Variants in NAALADL2 observed in about 807,000 individuals in gnomAD.
NAALADL2 encodes the protein inactive N-acetylated-alpha-linked acidic dipeptidase-like protein 2.
NAALADL2 carries 76 observed loss-of-function variants against 87.2 expected under a neutral mutation model. The observed-to-expected ratio is 0.87, with a 90% CI of 0.72 to 1.05. The LOEUF (loss-of-function observed/expected upper bound fraction) is 1.05, where lower values mean the gene tolerates loss of function less well. Among genes scored for constraint, NAALADL2 ranks in the 50% least tolerant of loss-of-function variants. The probability of loss-of-function intolerance (pLI) is 0.00; values close to 1 mark genes in which losing one functional copy is unlikely to be tolerated. For missense variants in NAALADL2, 1,089 were observed against 945.8 expected, an observed-to-expected ratio of 1.15 and a Z score of -1.99; for synonymous variants, 354 against 331.0, an observed-to-expected ratio of 1.07 and a Z score of -0.75.
chr3:174,458,292 T>C (rs1235467452), intron 1 of NAALADL2, among the ~76,000 whole-genome samples: 1 of 152,200 alleles, frequency 6.6e-6, no homozygotes, highest in African/African-American at 2.4e-5. Flanking sequence ...AAATGGCAGT[T>C]TTCTACCTCA....
At chr3:174,739,465 G>T (rs1733548246) in intron 3 of NAALADL2, among the ~76,000 whole-genome samples, 1 of 151,926 alleles carries the variant, frequency 6.6e-6, no homozygotes, top group Non-Finnish European at 1.5e-5. Flanking sequence ...TTTCATTTGG[G>T]CCCTTCCATT....
intron 1 of NAALADL2, among the ~76,000 whole-genome samples, chr3:175,046,826 C>A: frequency 6.6e-6 from 1 of 152,142 alleles, no homozygotes; most frequent in African/African-American, 2.4e-5. Flanking sequence ...TCCCTGCAAA[C>A]GTAGTGAAAG....
intron 5 of NAALADL2, among the ~76,000 whole-genome samples, chr3:175,396,198 C>T (rs533033873): frequency 1.1e-4 from 17 of 152,100 alleles, no homozygotes; most frequent in Middle Eastern, 3.4e-3. Context: ...TGACCTTATG[C>T]GTACAGGACA....
At chr3:175,427,386 C>T (rs887684813) in intron 5 of NAALADL2, among the ~76,000 whole-genome samples, 1 of 152,062 alleles carries the variant, frequency 6.6e-6, no homozygotes, top group African/African-American at 2.4e-5. Context: ...GAAAAAAGTT[C>T]AAAACATTTA....
At chr3:175,759,635 C>T (rs1045294500) in intron 13 of NAALADL2, among the ~76,000 whole-genome samples, 1 of 152,122 alleles carries the variant, frequency 6.6e-6, no homozygotes, top group African/African-American at 2.4e-5. Flanking sequence ...GGATTACAGG[C>T]GTGAGCCACC....
At chr3:174,876,715 A>T (rs1728553063) in intron 1 of NAALADL2, among the ~76,000 whole-genome samples, 1 of 152,142 alleles carries the variant, frequency 6.6e-6, no homozygotes, top group African/African-American at 2.4e-5. Context: ...ATGATTTATT[A>T]TCCTTGTCTG....
intron 1 of NAALADL2, among the ~76,000 whole-genome samples, chr3:175,042,780 C>G (rs1198111612): frequency 6.6e-6 from 1 of 151,980 alleles, no homozygotes; most frequent in Non-Finnish European, 1.5e-5. Flanking sequence ...GGATATTTGC[C>G]CCTCCAAACC....
chr3:175,683,140 G>C lies in NAALADL2; in HGVS notation c.1897-54166G>C, dbSNP rs75584396. Among the ~76,000 whole-genome samples the C allele has an allele frequency of 2.4e-3, 363 of 152,028 alleles. 2 individuals are homozygous for C. The highest frequency in any genetic ancestry group is 6.8e-3 in the Middle Eastern group (2 of 294). On this transcript the variant is annotated intron_variant, in intron 11 of 13. Coordinates refer to ENST00000454872, the MANE Select transcript of NAALADL2 (RefSeq NM_207015.3). ...AGCCTGAAGTATAACCAATGACAAT[G>C]TCTACATAGCCAAATATTTTCAAAA...
At chr3:174,810,323 A>G (rs992951071) in intron 3 of NAALADL2, among the ~76,000 whole-genome samples, 1 of 152,148 alleles carries the variant, frequency 6.6e-6, no homozygotes, top group African/African-American at 2.4e-5. Flanking sequence ...AGACTTGTTG[A>G]TTGATTATGA....
At chr3:175,442,670 A>G (rs1000633666) in intron 5 of NAALADL2, among the ~76,000 whole-genome samples, 3 of 152,224 alleles carry the variant, frequency 2.0e-5, no homozygotes, top group Non-Finnish European at 4.4e-5. Context: ...CACATGTAGC[A>G]TTGAATCAGG....
chr3:175,759,075 C>T (rs1024111816), intron 13 of NAALADL2, among the ~76,000 whole-genome samples: 2 of 152,060 alleles, frequency 1.3e-5, no homozygotes, highest in African/African-American at 4.8e-5. Flanking sequence ...GATCTGGAAA[C>T]AGAGGATTCA....
Position 175,641,299 on chromosome 3 carries a change from T to G in NAALADL2, c.1896+13913T>G, listed in dbSNP as rs73881326. ...TCATTCAACTTTTTCTTCAAAGGTCTTACTTTTTGTAAGTTGTAAAATTAT... is the reference window on the plus strand; with the variant it reads ...TCATTCAACTTTTTCTTCAAAGGTCGTACTTTTTGTAAGTTGTAAAATTAT... On this transcript the variant is annotated intron_variant, in intron 11 of 13. Coordinates refer to ENST00000454872, the MANE Select transcript of NAALADL2 (RefSeq NM_207015.3). 4.1e-3 allele frequency among the ~76,000 whole-genome samples: 621 copies of G among 152,338 alleles called. 3 individuals carry two copies. The highest frequency in any genetic ancestry group is 0.014 in the African/African-American group (581 of 41,570).
chr3:175,109,523 C>G (rs1723817248), intron 2 of NAALADL2, among the ~76,000 whole-genome samples: 1 of 150,984 alleles, frequency 6.6e-6, no homozygotes, highest in African/African-American at 2.4e-5. Context: ...CAAAATCACA[C>G]ATTGTAGTAG....
intron 11 of NAALADL2, among the ~76,000 whole-genome samples, chr3:175,678,372 T>C (rs1333537276): frequency 2.0e-5 from 3 of 152,142 alleles, no homozygotes; most frequent in Non-Finnish European, 2.9e-5. Flanking sequence ...CAACAGGGAC[T>C]GTAAGAGGAA....
At chr3:174,835,399 T>C (rs993544940) in intron 3 of NAALADL2, among the ~76,000 whole-genome samples, 1 of 151,994 alleles carries the variant, frequency 6.6e-6, no homozygotes, top group African/African-American at 2.4e-5. Flanking sequence ...AAACTATAAA[T>C]CTCTTAGAAG....
chr3:175,078,899 T>C (rs1194382243), intron 1 of NAALADL2, among the ~76,000 whole-genome samples: 1 of 152,226 alleles, frequency 6.6e-6, no homozygotes, highest in Non-Finnish European at 1.5e-5. Context: ...TCTAAAACAT[T>C]TGTGTACAAG....
chr3:174,835,279 T>C (rs1364397621), intron 3 of NAALADL2, among the ~76,000 whole-genome samples: 1 of 152,076 alleles, frequency 6.6e-6, no homozygotes. Flanking sequence ...GTTTCAACAA[T>C]TGCTGCTGGG....
intron 1 of NAALADL2, among the ~76,000 whole-genome samples, chr3:174,502,301 G>T (rs1314040210): frequency 1.3e-5 from 2 of 151,996 alleles, no homozygotes; most frequent in Admixed American, 6.6e-5. Flanking sequence ...GAATTTTTTT[G>T]TTGTTGTTAG....
chr3:174,937,055 A>G (rs904013514), intron 1 of NAALADL2, among the ~76,000 whole-genome samples: 2 of 152,098 alleles, frequency 1.3e-5, no homozygotes, highest in Non-Finnish European at 2.9e-5. Flanking sequence ...AGATTTTTAA[A>G]ATAAAACATA....
Sources: allele counts gnomAD v4.1 joint callset (sites outside exome capture counted in the v4.1 genomes callset), GRCh38; gene constraint gnomAD v4.1.1; transcripts MANE v1.5; gene names NCBI Gene and HGNC (gene_info 2026-07-23, HGNC 2026-07-21).